Variants in SEMA3D observed in about 807,000 individuals in gnomAD.
The protein encoded by SEMA3D is semaphorin-3D.
Under a neutral mutation model 100.1 loss-of-function variants are expected in SEMA3D, and 84 were observed. That is an observed-to-expected ratio of 0.84 (90% CI 0.70 to 1.01). The LOEUF (loss-of-function observed/expected upper bound fraction) is 1.01. Among genes scored for constraint, SEMA3D ranks in the 50% least tolerant of loss-of-function variants. The pLI is 0.00. For missense variants in SEMA3D, 875 were observed against 934.1 expected, an observed-to-expected ratio of 0.94 and a Z score of 0.82; for synonymous variants, 312 against 320.7, an observed-to-expected ratio of 0.97 and a Z score of 0.29.
At chr7:85,056,310 T>C (rs2116084814) in intron 8 of SEMA3D, among the ~76,000 whole-genome samples, 1 of 152,158 alleles carries the variant, frequency 6.6e-6, no homozygotes, top group Non-Finnish European at 1.5e-5. Flanking sequence ...AAACAACCAG[T>C]AGTGTTTGGT....
intron 9 of SEMA3D, among the ~76,000 whole-genome samples, chr7:85,054,268 T>G (rs1028773412): frequency 6.6e-6 from 1 of 152,054 alleles, no homozygotes; most frequent in Admixed American, 6.6e-5. Context: ...AAGTGACTCT[T>G]GAAATTCATT....
At chr7:85,146,031 A>G (rs1298927380) in intron 2 of SEMA3D, among the ~76,000 whole-genome samples, 3 of 152,048 alleles carry the variant, frequency 2.0e-5, no homozygotes, top group Admixed American at 6.6e-5. Context: ...TTTTTCCCAG[A>G]TATTTTTGAT....
At chr7:85,178,546 G>T (rs1266618674) in intron 1 of SEMA3D, among the ~76,000 whole-genome samples, 2 of 152,174 alleles carry the variant, frequency 1.3e-5, no homozygotes, top group Admixed American at 1.3e-4. Flanking sequence ...GATCTGTGGA[G>T]CTTTGAACTT....
At chr7:85,144,278 G>A in intron 2 of SEMA3D, 1 of 171,488 alleles carries the variant, frequency 5.8e-6, no homozygotes, top group Non-Finnish European at 1.2e-5. Flanking sequence ...AACTAAAAGA[G>A]GAGATTGAAT....
intron 2 of SEMA3D, among the ~76,000 whole-genome samples, chr7:85,126,754 A>C (rs968345572): frequency 6.6e-6 from 1 of 152,190 alleles, no homozygotes; most frequent in African/African-American, 2.4e-5. Context: ...TTATAGAAAA[A>C]AACTCGAAAG....
intron 2 of SEMA3D, among the ~76,000 whole-genome samples, chr7:85,148,982 T>G (rs979691903): frequency 3.3e-5 from 5 of 152,078 alleles, no homozygotes; most frequent in African/African-American, 1.2e-4. Flanking sequence ...TAATATTTTA[T>G]TTTTCTAACA....
At chr7:85,146,431 G>C (rs1041967940) in intron 2 of SEMA3D, among the ~76,000 whole-genome samples, 1 of 151,814 alleles carries the variant, frequency 6.6e-6, no homozygotes, top group Non-Finnish European at 1.5e-5. Context: ...GGCAGGACCT[G>C]TAACCCCAGC....
chr7:85,075,879 CTCATAACT>C (rs1455525647), intron 5 of SEMA3D, among the ~76,000 whole-genome samples: 2 of 152,208 alleles, frequency 1.3e-5, no homozygotes, highest in Non-Finnish European at 2.9e-5. Context: ...TCCCTTTCAA[CTCATAACT>C]TCATTTTTTA....
chr7:85,112,303 C>A (rs987540179), intron 3 of SEMA3D, among the ~76,000 whole-genome samples: 1 of 152,088 alleles, frequency 6.6e-6, no homozygotes, highest in Admixed American at 6.5e-5. Context: ...AAACAAAGAA[C>A]CATTCTATCA....
At chr7:85,198,198 A>G in the SEMA3D span, among the ~76,000 whole-genome samples, 1 of 152,124 alleles carries the variant, frequency 6.6e-6, no homozygotes, top group African/African-American at 2.4e-5. Flanking sequence ...TGTCTTTCAA[A>G]AATGTTTTAA....
chr7:85,108,961 G>A (rs749916355), intron 3 of SEMA3D, among the ~76,000 whole-genome samples: 46 of 151,166 alleles, frequency 3.0e-4, no homozygotes, highest in Admixed American at 1.3e-3. Context: ...GTGTCAAGAT[G>A]AGGACGCATT....
the SEMA3D span, among the ~76,000 whole-genome samples, chr7:85,196,231 C>G: frequency 4.0e-4 from 61 of 152,078 alleles, no homozygotes; most frequent in Non-Finnish European, 7.1e-4. Context: ...AAATTGGAGA[C>G]CCGTAATACA....
At chr7:85,195,353 G>A in the SEMA3D span, among the ~76,000 whole-genome samples, 3 of 152,140 alleles carry the variant, frequency 2.0e-5, no homozygotes, top group Non-Finnish European at 4.4e-5. Context: ...AAAGGTACAG[G>A]ATATTCTATA....
At chr7:85,097,756 G>A (rs752074849) in intron 4 of SEMA3D, 49 bp downstream of exon 4, 3 of 1,190,564 alleles carry the variant, frequency 2.5e-6, no homozygotes, top group Non-Finnish European at 3.6e-6. Flanking sequence ...GAGAAGAAGA[G>A]AGATGAAAAT....
Position 85,028,236 on chromosome 7 carries a change from G to A in SEMA3D, c.1192-5623C>T, listed in dbSNP as rs541144324. On this transcript the variant is annotated intron_variant, in intron 12 of 18. Transcript: ENST00000284136. ...AAATTGCAAAAGTCTACCTTGGGAAGACTGTTACCAATGCTGTGGTCACAG... is the reference window on the plus strand; with the variant it reads ...AAATTGCAAAAGTCTACCTTGGGAAAACTGTTACCAATGCTGTGGTCACAG... The A allele has an allele frequency of 1.8e-4, 128 of 692,538 alleles. No individual in the cohort carries two copies. In the African/African-American group the frequency reaches 2.1e-3, roughly 11 times the overall value. The allele number at this position is 692,538 out of a possible 1,614,324, so 42.9% of individuals were successfully genotyped here.
chr7:85,096,349 T>C (rs763231821), intron 4 of SEMA3D, among the ~76,000 whole-genome samples: 4 of 151,920 alleles, frequency 2.6e-5, no homozygotes, highest in Admixed American at 6.6e-5. Flanking sequence ...GGACAAACTT[T>C]CAAATTCTAG....
At chr7:85,013,887 G>T in intron 16 of SEMA3D, among the ~76,000 whole-genome samples, 1 of 151,666 alleles carries the variant, frequency 6.6e-6, no homozygotes, top group East Asian at 1.9e-4. Context: ...CAAACTGAAG[G>T]TTTATTACCA....
chr7:85,128,265 T>C, intron 2 of SEMA3D, among the ~76,000 whole-genome samples: 1 of 152,046 alleles, frequency 6.6e-6, no homozygotes, highest in Non-Finnish European at 1.5e-5. Context: ...CATCTCTGGT[T>C]CAAGTGATTC....
At chr7:85,015,606 TAA>T (rs1790076777) in intron 15 of SEMA3D, among the ~76,000 whole-genome samples, 1 of 151,874 alleles carries the variant, frequency 6.6e-6, no homozygotes, top group Non-Finnish European at 1.5e-5. Context: ...GCTCCTTATA[TAA>T]GAGACGACTG....
Sources: allele counts gnomAD v4.1 joint callset (sites outside exome capture counted in the v4.1 genomes callset), GRCh38; gene constraint gnomAD v4.1.1; transcripts MANE v1.5; gene names NCBI Gene and HGNC (gene_info 2026-07-23, HGNC 2026-07-21).